Variants in CDH12 observed in about 807,000 individuals in gnomAD.
The protein encoded by CDH12 is cadherin 12, also known as cadherin-12.
CDH12 carries 41 observed loss-of-function variants against 74.1 expected under a neutral mutation model. The observed-to-expected ratio is 0.55, with a 90% CI of 0.43 to 0.72. CDH12 has a LOEUF of 0.72. Among genes scored for constraint, CDH12 ranks in the 30% least tolerant of loss-of-function variants. CDH12 has a pLI of 0.00. For synonymous variants in CDH12, 399 were observed against 355.0 expected, an observed-to-expected ratio of 1.12 and a Z score of -1.39; for missense variants, 945 against 977.2, an observed-to-expected ratio of 0.97 and a Z score of 0.44.
At chr5:22,098,372 T>C (rs1202029866) in intron 4 of CDH12, among the ~76,000 whole-genome samples, 1 of 152,148 alleles carries the variant, frequency 6.6e-6, no homozygotes, top group South Asian at 2.1e-4. Context: ...CTTTCCTTCC[T>C]AGGCATGGTT....
chr5:21,906,993 T>TATACC (rs1207844733), intron 6 of CDH12, among the ~76,000 whole-genome samples: 1 of 152,152 alleles, frequency 6.6e-6, no homozygotes, highest in Non-Finnish European at 1.5e-5. Context: ...TCTGTCTTGG[T>TATACC]AGAGCCCAGC....
chr5:22,833,219 T>C (rs1261738394), intron 1 of CDH12, among the ~76,000 whole-genome samples: 1 of 152,182 alleles, frequency 6.6e-6, no homozygotes, highest in Non-Finnish European at 1.5e-5. Flanking sequence ...CTGGAATCTT[T>C]TCTATGTTCT....
At chr5:22,329,624 C>T (rs1019247630) in intron 3 of CDH12, among the ~76,000 whole-genome samples, 3 of 152,170 alleles carry the variant, frequency 2.0e-5, no homozygotes, top group Non-Finnish European at 2.9e-5. Context: ...AAGAGTAAGA[C>T]AGACAGTTAA....
At chr5:22,798,038 AAAG>A (rs1380898695) in intron 1 of CDH12, among the ~76,000 whole-genome samples, 31 of 152,296 alleles carry the variant, frequency 2.0e-4, no homozygotes, top group African/African-American at 7.2e-4. Flanking sequence ...ACTTATGACA[AAAG>A]AAAAGAAATT....
chr5:22,745,668 C>T (rs894734662), intron 1 of CDH12, among the ~76,000 whole-genome samples: 23 of 152,140 alleles, frequency 1.5e-4, no homozygotes, highest in Admixed American at 4.6e-4. Flanking sequence ...AACAGAGGAA[C>T]ACAAAATAAA....
chr5:22,306,177 T>G (rs539273408), intron 3 of CDH12, among the ~76,000 whole-genome samples: 21 of 152,104 alleles, frequency 1.4e-4, no homozygotes, highest in African/African-American at 4.6e-4. Context: ...CAGTTGCAAT[T>G]TATACTGTTC....
intron 1 of CDH12, among the ~76,000 whole-genome samples, chr5:22,789,002 A>C: frequency 6.6e-6 from 1 of 152,152 alleles, no homozygotes. Context: ...TAGAAACTAC[A>C]TCTTGCGTGT....
intron 14 of CDH12, among the ~76,000 whole-genome samples, chr5:21,752,473 A>AAAG (rs1744152408): frequency 6.6e-6 from 1 of 152,200 alleles, no homozygotes; most frequent in Non-Finnish European, 1.5e-5. Context: ...TCTTTATATT[A>AAAG]AAGTATTTTA....
At chr5:22,324,718 TA>T (rs1179089042) in intron 3 of CDH12, among the ~76,000 whole-genome samples, 1 of 152,092 alleles carries the variant, frequency 6.6e-6, no homozygotes, top group Non-Finnish European at 1.5e-5. Flanking sequence ...CAAAAATAAA[TA>T]AAAGAATTTA....
At chr5:22,363,387 A>G (rs1217708536) in intron 3 of CDH12, among the ~76,000 whole-genome samples, 1 of 152,140 alleles carries the variant, frequency 6.6e-6, no homozygotes, top group Non-Finnish European at 1.5e-5. Flanking sequence ...TGGGAAACAG[A>G]ATACTTAGGG....
At chr5:22,641,208 A>G (rs1332603033) in intron 1 of CDH12, among the ~76,000 whole-genome samples, 1 of 152,146 alleles carries the variant, frequency 6.6e-6, no homozygotes, top group Non-Finnish European at 1.5e-5. Context: ...GCTTAGTCCA[A>G]TTCCAAAGGT....
chr5:21,920,278 C>T (rs1443257962), intron 6 of CDH12, among the ~76,000 whole-genome samples: 1 of 152,126 alleles, frequency 6.6e-6, no homozygotes, highest in Non-Finnish European at 1.5e-5. Flanking sequence ...ATGTAAAACA[C>T]TTTACCAATT....
chr5:21,867,139 G>T (rs749375247), intron 6 of CDH12, among the ~76,000 whole-genome samples: 1 of 152,154 alleles, frequency 6.6e-6, no homozygotes, highest in Non-Finnish European at 1.5e-5. Context: ...TGGATCACCT[G>T]ATTTCAGGAG....
At chr5:21,755,971 T>C in intron 13 of CDH12, 129 bp from the exon 14 acceptor site, 4 of 854,850 alleles carry the variant, frequency 4.7e-6, no homozygotes. Flanking sequence ...TTTTTATTTC[T>C]GTTCACATTA....
intron 1 of CDH12, among the ~76,000 whole-genome samples, chr5:22,597,448 C>T (rs545216249): frequency 6.6e-6 from 1 of 152,274 alleles, no homozygotes; most frequent in South Asian, 2.1e-4. Flanking sequence ...AACTCCACTG[C>T]ATACCTTATA....
chr5:21,934,124 A>ACACT (rs772110656), intron 6 of CDH12, among the ~76,000 whole-genome samples: 15 of 152,098 alleles, frequency 9.9e-5, no homozygotes, highest in Non-Finnish European at 1.9e-4. Context: ...CCACACACAC[A>ACACT]CACTCACACA....
At chr5:22,136,118 T>C (rs186278603) in intron 4 of CDH12, among the ~76,000 whole-genome samples, 11 of 152,042 alleles carry the variant, frequency 7.2e-5, no homozygotes, top group African/African-American at 2.2e-4. Flanking sequence ...TATTGCAGAT[T>C]TGAAAGAAAT....
At chr5:21,754,530 G>A (rs1252064949) in intron 14 of CDH12, among the ~76,000 whole-genome samples, 3 of 152,070 alleles carry the variant, frequency 2.0e-5, no homozygotes, top group Middle Eastern at 3.4e-3. Flanking sequence ...AGTTTCTCAC[G>A]TGGAATTAAT....
chr5:22,033,446 C>G (rs1298734080), intron 5 of CDH12, among the ~76,000 whole-genome samples: 1 of 152,122 alleles, frequency 6.6e-6, no homozygotes, highest in Non-Finnish European at 1.5e-5. Flanking sequence ...GTTATTCATA[C>G]CGGAAAGGAC....
Sources: allele counts gnomAD v4.1 joint callset (sites outside exome capture counted in the v4.1 genomes callset), GRCh38; gene constraint gnomAD v4.1.1; transcripts MANE v1.5; gene names NCBI Gene and HGNC (gene_info 2026-07-23, HGNC 2026-07-21).